The following ABCB1 variants were observed in gnomAD, a reference collection of about 807,000 sequenced individuals.
The protein encoded by ABCB1 is ATP-dependent translocase ABCB1.
Under a neutral mutation model 142.0 loss-of-function variants are expected in ABCB1, and 69 were observed. That is an observed-to-expected ratio of 0.49 (90% CI 0.40 to 0.59). The LOEUF (loss-of-function observed/expected upper bound fraction) is 0.59, where lower values mean the gene tolerates loss of function less well. ABCB1 is among the 20% of genes least tolerant of loss of function. ABCB1 has a pLI of 0.00. For synonymous variants in ABCB1, 532 were observed against 539.2 expected, an observed-to-expected ratio of 0.99 and a Z score of 0.18; for missense variants, 1,326 against 1,554.7, an observed-to-expected ratio of 0.85 and a Z score of 2.47.
At chr7:87,622,704 T>G (rs560203136) in intron 1 of ABCB1, among the ~76,000 whole-genome samples, 6 of 152,256 alleles carry the variant, frequency 3.9e-5, no homozygotes, top group African/African-American at 1.4e-4. Flanking sequence ...TGGAGTTACT[T>G]TCTCAAAAAG....
chr7:87,558,145 T>C (rs1455827563), intron 8 of ABCB1, among the ~76,000 whole-genome samples: 2 of 152,256 alleles, frequency 1.3e-5, no homozygotes, highest in South Asian at 2.1e-4. Context: ...ACTAGACACA[T>C]AATTTAATGT....
At chr7:87,522,182 G>A (rs1376864797) in intron 21 of ABCB1, 2 of 1,444,122 alleles carry the variant, frequency 1.4e-6, no homozygotes, top group African/African-American at 2.8e-5. Context: ...AGTGGCAGTG[G>A]GGATGGCTAT....
intron 1 of ABCB1, among the ~76,000 whole-genome samples, chr7:87,619,186 A>G (rs1209056058): frequency 1.3e-5 from 2 of 152,226 alleles, no homozygotes; most frequent in Non-Finnish European, 2.9e-5. Flanking sequence ...ATTTGTCAGT[A>G]AATATTTGAG....
chr7:87,710,053 G>T (rs1396908369), intron 1 of ABCB1, among the ~76,000 whole-genome samples: 2 of 152,032 alleles, frequency 1.3e-5, no homozygotes, highest in African/African-American at 4.8e-5. Context: ...AATAGCTCAT[G>T]ATTTGGATTC....
At chr7:87,669,879 CT>C (rs545111311) in intron 1 of ABCB1, among the ~76,000 whole-genome samples, 120 of 152,266 alleles carry the variant, frequency 7.9e-4, no homozygotes, top group African/African-American at 2.7e-3. Flanking sequence ...GTCATGTGCC[CT>C]TTCTCTCTAG....
At chr7:87,655,636 T>A (rs1824023131) in intron 1 of ABCB1, among the ~76,000 whole-genome samples, 1 of 152,130 alleles carries the variant, frequency 6.6e-6, no homozygotes, top group South Asian at 2.1e-4. Flanking sequence ...GTTCAAGAGA[T>A]CTATTGTACA....
intron 26 of ABCB1, among the ~76,000 whole-genome samples, 199 bp downstream of exon 26, chr7:87,509,076 C>T (rs557828510): frequency 2.0e-5 from 3 of 152,278 alleles, no homozygotes; most frequent in African/African-American, 7.2e-5. Flanking sequence ...ATCCCTTCCT[C>T]ACAAGGAGGG....
chr7:87,702,168 A>C (rs1219991713), intron 1 of ABCB1, among the ~76,000 whole-genome samples: 1 of 150,234 alleles, frequency 6.7e-6, no homozygotes, highest in Non-Finnish European at 1.5e-5. Context: ...AAAAAAAAAA[A>C]AAAACAGAGA....
At chr7:87,712,488 A>G (rs1478456305) in intron 1 of ABCB1, among the ~76,000 whole-genome samples, 3 of 152,104 alleles carry the variant, frequency 2.0e-5, no homozygotes, top group Admixed American at 6.6e-5. Context: ...ATCATTTCCT[A>G]TGCAAGTAGA....
At chr7:87,588,754 T>C (rs949811394) in intron 3 of ABCB1, among the ~76,000 whole-genome samples, 3 of 152,254 alleles carry the variant, frequency 2.0e-5, no homozygotes, top group African/African-American at 7.2e-5. Context: ...CCACACTGTC[T>C]TCCACAATGG....
intron 1 of ABCB1, among the ~76,000 whole-genome samples, chr7:87,704,016 G>A (rs1419515326): frequency 2.2e-5 from 3 of 135,854 alleles, no homozygotes; most frequent in African/African-American, 8.2e-5. Flanking sequence ...CACCTCCCAG[G>A]CTCAAGCAAT....
chr7:87,677,811 T>C (rs572207512), intron 1 of ABCB1, among the ~76,000 whole-genome samples: 9 of 152,292 alleles, frequency 5.9e-5, no homozygotes, highest in Admixed American at 2.0e-4. Context: ...AAATATAATT[T>C]ATTACATATA....
rs1007471876 is a variant in ABCB1 at position 87,666,217 on chromosome 7, A to T, written c.-331+46944T>A. Among the ~76,000 whole-genome samples, 38 of 151,910 alleles carry T rather than the reference A, an allele frequency of 2.5e-4. 1 individual carries two copies. The highest frequency in any genetic ancestry group is 1.5e-4 in the Non-Finnish European group (10 of 67,952). Reference sequence around the variant, plus strand: ...GAGATGGTATCTCATTGTGGTTTTGATTTGCATTTTTCTAATGATCAGTGA... The same window carrying T: ...GAGATGGTATCTCATTGTGGTTTTGTTTTGCATTTTTCTAATGATCAGTGA... On this transcript the variant is annotated intron_variant, in intron 1 of 28. Coordinates refer to the ABCB1 transcript ENST00000265724.
chr7:87,564,468 T>C (rs1236832256), intron 7 of ABCB1, among the ~76,000 whole-genome samples: 1 of 152,136 alleles, frequency 6.6e-6, no homozygotes, highest in Non-Finnish European at 1.5e-5. Context: ...CCAGTGTCTC[T>C]GGGCGCTGGG....
At chr7:87,545,181 T>C (rs1275168424) in intron 15 of ABCB1, among the ~76,000 whole-genome samples, 182 bp from the exon 16 acceptor site, 9 of 152,112 alleles carry the variant, frequency 5.9e-5, no homozygotes, top group African/African-American at 2.2e-4. Context: ...TGTGTGATAT[T>C]TGAAAACGAA....
intron 8 of ABCB1, 90 bp from the exon 9 acceptor site, chr7:87,554,022 A>G (rs1029608365): frequency 8.1e-7 from 1 of 1,239,180 alleles, no homozygotes; most frequent in African/African-American, 1.5e-5. Flanking sequence ...GGATGTGTTC[A>G]GTCCTGTGAT....
Position 87,550,174 on chromosome 7 carries a change from C to G in ABCB1, c.1347G>C (p.Gly449=), listed in dbSNP as rs760589059. 1.9e-6 allele frequency: 3 copies of G among 1,614,222 alleles called. No individual in the cohort carries two copies. In the Admixed American group the frequency reaches 5.0e-5, roughly 27 times the overall value. ...TAGCTCGCATGGGTCATCTCACCAT[C>G]CCCTCTGTGGGGTCATAGAGCCTCT... ...LMQRLYDPTE[G]MVSVDGQDIR... is the part of the protein sequence containing the mutation. Residue 449 remains glycine, a synonymous_variant, in exon 12 of 28, where the codon GGG becomes GGC. Coordinates refer to ENST00000622132, the MANE Select transcript of ABCB1 (RefSeq NM_001348946.2).
At chr7:87,631,210 T>C (rs1387214925) in intron 1 of ABCB1, among the ~76,000 whole-genome samples, 1 of 152,250 alleles carries the variant, frequency 6.6e-6, no homozygotes, top group Non-Finnish European at 1.5e-5. Flanking sequence ...AGGCTTTGTC[T>C]GAATGACTTT....
intron 21 of ABCB1, among the ~76,000 whole-genome samples, chr7:87,529,598 C>T (rs755731233): frequency 2.2e-4 from 33 of 152,230 alleles, no homozygotes; most frequent in Non-Finnish European, 4.9e-4. Context: ...TTCAAAGGTG[C>T]TAACCTGTGG....
Sources: allele counts gnomAD v4.1 joint callset (sites outside exome capture counted in the v4.1 genomes callset), GRCh38; gene constraint gnomAD v4.1.1; transcripts MANE v1.5; gene names NCBI Gene and HGNC (gene_info 2026-07-23, HGNC 2026-07-21).